Variants in PTPRD observed in about 807,000 individuals in gnomAD.
PTPRD encodes the protein receptor-type tyrosine-protein phosphatase delta.
A neutral mutation model predicts 214.5 loss-of-function variants in PTPRD; 34 were observed. The observed-to-expected ratio is 0.16, with a 90% CI of 0.12 to 0.21. PTPRD has a LOEUF of 0.21. PTPRD is among the 10% of genes least tolerant of loss of function. The probability of loss-of-function intolerance (pLI) is 1.00; values close to 1 mark genes in which losing one functional copy is unlikely to be tolerated. For synonymous variants in PTPRD, 1,128 were observed against 845.7 expected (o/e 1.33, Z -5.79); for missense variants, 2,545 against 2,398.7 (o/e 1.06, Z -1.27).
chr9:9,568,903 T>G lies in PTPRD; in HGVS notation c.-237+5829A>C, dbSNP rs117531076. On this transcript the variant is annotated intron_variant, in intron 8 of 45. Coordinates refer to ENST00000381196, the MANE Select transcript of PTPRD (RefSeq NM_002839.4). ...TCCCTGTTAGCTGACTGTTTCCCAA[T>G]ACTAGCCCAATGCTTAGTACATACA... 2.7e-3 allele frequency among the ~76,000 whole-genome samples: 416 copies of G among 151,964 alleles called. 4 individuals are homozygous for G. The highest frequency in any genetic ancestry group is 4.5e-3 in the Non-Finnish European group (308 of 67,818).
At chr9:10,597,301 T>C (rs770715785) in intron 2 of PTPRD, among the ~76,000 whole-genome samples, 4 of 151,740 alleles carry the variant, frequency 2.6e-5, no homozygotes, top group Non-Finnish European at 5.9e-5. Context: ...CTTTATATCC[T>C]ATAATAACTC....
intron 3 of PTPRD, among the ~76,000 whole-genome samples, chr9:10,222,178 T>C (rs1042963826): frequency 6.6e-6 from 1 of 152,072 alleles, no homozygotes; most frequent in African/African-American, 2.4e-5. Context: ...TATAAAATTA[T>C]TTTTAACTCA....
At chr9:10,408,713 A>G (rs1400299653) in intron 2 of PTPRD, among the ~76,000 whole-genome samples, 1 of 151,716 alleles carries the variant, frequency 6.6e-6, no homozygotes, top group East Asian at 2.0e-4. Context: ...TTTATCGTGT[A>G]ACAACTTGGG....
intron 9 of PTPRD, among the ~76,000 whole-genome samples, chr9:9,327,924 C>T (rs893108480): frequency 6.8e-6 from 1 of 147,984 alleles, no homozygotes; most frequent in African/African-American, 2.5e-5. Flanking sequence ...AAAAAAATCA[C>T]AAAAAAATTC....
intron 2 of PTPRD, among the ~76,000 whole-genome samples, chr9:10,363,995 T>TTTTGTTG (rs752522456): frequency 5.1e-5 from 3 of 58,806 alleles, no homozygotes; most frequent in South Asian, 5.8e-4. Context: ...TTTCGGGTTT[T>TTTTGTTG]TTTTTTTTTT....
At chr9:10,293,483 G>C (rs150457483) in intron 3 of PTPRD, among the ~76,000 whole-genome samples, 274 of 151,856 alleles carry the variant, frequency 1.8e-3, no homozygotes, top group African/African-American at 6.3e-3. Context: ...AAACAAAAAG[G>C]CTAAAAAAGT....
chr9:8,418,579 T>A (rs1209861296), intron 35 of PTPRD, among the ~76,000 whole-genome samples: 1 of 152,094 alleles, frequency 6.6e-6, no homozygotes, highest in African/African-American at 2.4e-5. Flanking sequence ...TTTTTTTTTT[T>A]TTGTAATTTT....
At chr9:9,622,557 C>A (rs191903115) in intron 7 of PTPRD, among the ~76,000 whole-genome samples, 1 of 152,140 alleles carries the variant, frequency 6.6e-6, no homozygotes, top group Non-Finnish European at 1.5e-5. Context: ...ATTTCTGATA[C>A]GCTGCATTTC....
At chr9:10,024,754 A>G (rs2096888749) in intron 4 of PTPRD, among the ~76,000 whole-genome samples, 2 of 145,710 alleles carry the variant, frequency 1.4e-5, no homozygotes, top group South Asian at 2.4e-4. Flanking sequence ...AGCATTAGGT[A>G]TATCTCCTAA....
Position 9,458,350 on chromosome 9 carries a change from A to AT in PTPRD, c.-236-60869dup, listed in dbSNP as rs1000495221. Among the ~76,000 whole-genome samples the AT allele has an allele frequency of 5.3e-5, 8 of 152,106 alleles. No individual in the cohort carries two copies. In the South Asian group the frequency reaches 8.3e-4, roughly 16 times the overall value. ...AGAAGAAATCCAACATTGTACCACT[A>AT]TTTTTTTAGTATAAAACGTTTATTT... On this transcript the variant is annotated intron_variant, in intron 8 of 45. Coordinates refer to ENST00000381196, the MANE Select transcript of PTPRD (RefSeq NM_002839.4).
At chr9:10,119,149 C>T (rs1042356980) in intron 3 of PTPRD, among the ~76,000 whole-genome samples, 1 of 151,836 alleles carries the variant, frequency 6.6e-6, no homozygotes. Flanking sequence ...ACTAAAGTTC[C>T]ATAAGAAGGA....
At chr9:9,984,118 A>G (rs2095631429) in intron 4 of PTPRD, among the ~76,000 whole-genome samples, 1 of 152,134 alleles carries the variant, frequency 6.6e-6, no homozygotes, top group Non-Finnish European at 1.5e-5. Context: ...TATTACAAAA[A>G]ATTTTAAATA....
At chr9:8,367,822 A>T (rs565139967) in intron 39 of PTPRD, among the ~76,000 whole-genome samples, 1 of 152,188 alleles carries the variant, frequency 6.6e-6, no homozygotes, top group Non-Finnish European at 1.5e-5. Context: ...ACATTTGTTG[A>T]CTTCTTTCTA....
chr9:8,385,712 T>C (rs1035324142), intron 37 of PTPRD, among the ~76,000 whole-genome samples: 3 of 152,198 alleles, frequency 2.0e-5, no homozygotes, highest in Non-Finnish European at 4.4e-5. Context: ...ATATCACTTA[T>C]GATTTTCATG....
At chr9:10,508,616 T>C (rs2046894521) in intron 2 of PTPRD, among the ~76,000 whole-genome samples, 1 of 152,024 alleles carries the variant, frequency 6.6e-6, no homozygotes, top group Non-Finnish European at 1.5e-5. Context: ...TATGCAGCCA[T>C]AAAAAAGGAT....
intron 7 of PTPRD, among the ~76,000 whole-genome samples, chr9:9,659,479 A>C (rs993585077): frequency 1.5e-4 from 23 of 152,054 alleles, no homozygotes; most frequent in Non-Finnish European, 3.1e-4. Context: ...AGGGCTATAC[A>C]TCAAATCAAT....
Position 9,805,823 on chromosome 9 carries a change from C to T in PTPRD, c.-367-38972G>A, listed in dbSNP as rs148559790. Among the ~76,000 whole-genome samples the T allele has an allele frequency of 6.7e-4, 102 of 152,182 alleles. 1 individual carries two copies. The highest frequency in any genetic ancestry group is 1.8e-3 in the African/African-American group (76 of 41,518). ...TGTTCCTCTTGAACTCAGAAAAATA[C>T]TCCTATTGAGTGAGAAATAGAGCTT... is the stretch of plus-strand genomic sequence containing the variant. On this transcript the variant is annotated intron_variant, in intron 5 of 45. Transcript: ENST00000381196.
intron 36 of PTPRD, 58 bp from the exon 37 acceptor site, chr9:8,389,465 G>T: frequency 1.5e-6 from 2 of 1,367,622 alleles, no homozygotes. Context: ...GAAACAGCCT[G>T]GGACATGACC....
intron 12 of PTPRD, among the ~76,000 whole-genome samples, chr9:8,718,983 GA>G (rs2098464766): frequency 6.6e-6 from 1 of 152,162 alleles, no homozygotes; most frequent in African/African-American, 2.4e-5. Flanking sequence ...TCTATAATGT[GA>G]TCAAATTCAC....
Sources: gnomAD v4.1 joint callset for allele counts (sites outside exome capture counted in the v4.1 genomes callset) on GRCh38, gnomAD v4.1.1 for gene constraint, MANE v1.5 for transcripts, NCBI Gene and HGNC (gene_info 2026-07-23, HGNC 2026-07-21) for gene names.